RPS6KA2: variants seen among roughly 807,000 people sequenced by gnomAD.
The protein encoded by RPS6KA2 is ribosomal protein S6 kinase alpha-2.
In RPS6KA2, 42 loss-of-function variants were observed where a neutral mutation model predicts 91.8. The ratio of observed to expected loss-of-function variants is 0.46; its 90% CI spans 0.36 to 0.59. The LOEUF (loss-of-function observed/expected upper bound fraction) is 0.59. Ranked by LOEUF, RPS6KA2 falls within the 20% of genes least tolerant of loss-of-function variation. The pLI, the probability that RPS6KA2 is intolerant of heterozygous loss-of-function variation, is 0.00. For synonymous variants in RPS6KA2, 414 were observed against 393.6 expected (o/e 1.05, Z -0.61); for missense variants, 798 against 978.5 (o/e 0.82, Z 2.46).
At chr6:166,675,880 T>C (rs554748597) in intron 2 of RPS6KA2, among the ~76,000 whole-genome samples, 14 of 152,358 alleles carry the variant, frequency 9.2e-5, no homozygotes, top group Admixed American at 1.3e-4. Context: ...TAAAGGTCTC[T>C]GTTCCCTGAG....
In RPS6KA2 at chr6:166,493,351, TTGTC is replaced by T. The variant is rs750850225; in HGVS notation, c.748-2614_748-2611del. ...GAGAAGGGAGATCATTTCAGTATGATTGTCTGAATGGAGCTGCCCGGGAACTTTC... is the reference window on the plus strand; with the variant it reads ...GAGAAGGGAGATCATTTCAGTATGATTGAATGGAGCTGCCCGGGAACTTTC... On this transcript the variant is annotated intron_variant, in intron 8 of 20. Transcript: ENST00000265678. The surrounding 1 kb of genome is among the most constrained non-coding windows in gnomAD (Gnocchi z 4.7). 6.6e-6 allele frequency among the ~76,000 whole-genome samples: 1 copy of T among 152,050 alleles called. No individual in the cohort carries two copies. Among genetic ancestry groups the T allele is most frequent in the South Asian group, 2.1e-4 (1 of 4,828 alleles).
At chr6:166,646,577 G>T (rs935729826) in intron 2 of RPS6KA2, among the ~76,000 whole-genome samples, 2 of 152,252 alleles carry the variant, frequency 1.3e-5, no homozygotes, top group Non-Finnish European at 2.9e-5. Context: ...CTTGGCTGGG[G>T]CCCCTGACAC....
intron 2 of RPS6KA2, among the ~76,000 whole-genome samples, chr6:166,745,878 C>CA (rs1215257497): frequency 5.9e-5 from 9 of 152,248 alleles, no homozygotes; most frequent in African/African-American, 1.9e-4. Context: ...ACTGGTGACT[C>CA]AAAAAATAGA....
At chr6:166,578,753 C>T (rs553734068) in intron 1 of RPS6KA2, among the ~76,000 whole-genome samples, 1 of 152,330 alleles carries the variant, frequency 6.6e-6, no homozygotes, top group African/African-American at 2.4e-5. Context: ...CTGGAGCAGG[C>T]CTACTCAATC....
At chr6:166,823,913 C>T (rs1330729670) in intron 2 of RPS6KA2, among the ~76,000 whole-genome samples, 1 of 152,160 alleles carries the variant, frequency 6.6e-6, no homozygotes, top group African/African-American at 2.4e-5. Flanking sequence ...AGTATGCTCA[C>T]GTTCTGCTGT....
At chr6:166,691,417 T>C (rs1160213738) in intron 2 of RPS6KA2, among the ~76,000 whole-genome samples, 1 of 152,188 alleles carries the variant, frequency 6.6e-6, no homozygotes, top group Non-Finnish European at 1.5e-5. Context: ...ACTCTTCTCG[T>C]GTGTCACTCC....
In RPS6KA2 at chr6:166,626,798, C is replaced by CT; in HGVS notation, c.99+122dup. The CT allele has an allele frequency of 1.3e-6, 1 of 794,808 alleles. No individual in the cohort carries two copies. The highest frequency in any genetic ancestry group is 1.7e-6 in the Non-Finnish European group (1 of 582,242). The allele number at this position is 794,808 out of a possible 1,614,324, so 49.2% of individuals were successfully genotyped here. ...GGTTCGATTTTCGGAACCGGACCAG[C>CT]TTTCCAGTAACTTGAACTCCCTGAC... On this transcript the variant is annotated intron_variant, in intron 1 of 20. Transcript: ENST00000265678. This position sits in a 1 kb window ranked among gnomAD's most constrained non-coding sequence, Gnocchi z 4.1.
At chr6:166,695,089 A>G (rs1789318892) in intron 2 of RPS6KA2, among the ~76,000 whole-genome samples, 1 of 152,262 alleles carries the variant, frequency 6.6e-6, no homozygotes, top group Non-Finnish European at 1.5e-5. Flanking sequence ...CTAAGCAAAT[A>G]ACGACATAGA....
At chr6:166,761,206 G>T (rs1015906891) in intron 2 of RPS6KA2, among the ~76,000 whole-genome samples, 1 of 152,056 alleles carries the variant, frequency 6.6e-6, no homozygotes, top group Admixed American at 6.5e-5. Flanking sequence ...CACCGCACCC[G>T]GCTAAATTTT....
chr6:166,520,693 G>A (rs1043742375), intron 3 of RPS6KA2, among the ~76,000 whole-genome samples: 1 of 152,222 alleles, frequency 6.6e-6, no homozygotes, highest in Non-Finnish European at 1.5e-5. Context: ...GGCCTATCTT[G>A]CCATGAACAG....
chr6:166,621,322 G>A (rs1786624304), intron 1 of RPS6KA2, among the ~76,000 whole-genome samples: 3 of 152,276 alleles, frequency 2.0e-5, no homozygotes, highest in African/African-American at 2.4e-5. Context: ...AGGTGCCTCC[G>A]GCTTCCTTGT....
intron 12 of RPS6KA2, among the ~76,000 whole-genome samples, chr6:166,455,090 C>T (rs992321591): frequency 1.1e-4 from 16 of 152,042 alleles, no homozygotes; most frequent in African/African-American, 3.6e-4. Context: ...ATTCTCTACC[C>T]GCAGGCCTTT....
intron 2 of RPS6KA2, among the ~76,000 whole-genome samples, chr6:166,538,328 A>G (rs1285597441): frequency 6.6e-6 from 1 of 151,586 alleles, no homozygotes; most frequent in African/African-American, 2.4e-5. Flanking sequence ...TTCTTTGGGG[A>G]AAACAGCTGC....
intron 1 of RPS6KA2, among the ~76,000 whole-genome samples, chr6:166,561,497 C>T (rs955433939): frequency 6.6e-6 from 1 of 151,926 alleles, no homozygotes; most frequent in Non-Finnish European, 1.5e-5. Flanking sequence ...CTACTGCCAC[C>T]CCCTCCCCAT....
chr6:166,413,955 C>A, intron 19 of RPS6KA2, 24 bp from the exon 20 acceptor site: 1 of 1,607,898 alleles, frequency 6.2e-7, no homozygotes, highest in South Asian at 1.1e-5. Context: ...TCATGAGAGT[C>A]GGGGGGATGG....
intron 16 of RPS6KA2, among the ~76,000 whole-genome samples, chr6:166,425,402 A>C (rs1011268934): frequency 6.6e-6 from 1 of 152,162 alleles, no homozygotes; most frequent in African/African-American, 2.4e-5. Flanking sequence ...CTAATGAGCA[A>C]AATAACCAGC....
At chr6:166,453,498 T>C (rs966884785) in intron 12 of RPS6KA2, among the ~76,000 whole-genome samples, 5 of 152,054 alleles carry the variant, frequency 3.3e-5, no homozygotes, top group Admixed American at 6.5e-5. Context: ...ATCAGATAAA[T>C]ACAAATGAAA....
At chr6:166,509,345 G>A (rs1782382000) in intron 4 of RPS6KA2, 2 of 170,272 alleles carry the variant, frequency 1.2e-5, no homozygotes, top group Non-Finnish European at 2.9e-5. Flanking sequence ...ACGTGGGATG[G>A]GACTTGACAC....
intron 2 of RPS6KA2, among the ~76,000 whole-genome samples, chr6:166,774,547 G>A (rs953746883): frequency 5.9e-5 from 9 of 152,132 alleles, no homozygotes; most frequent in African/African-American, 1.9e-4. Flanking sequence ...AAGATGCTAC[G>A]GACCATGGTA....
Sources: allele counts gnomAD v4.1 joint callset (sites outside exome capture counted in the v4.1 genomes callset), GRCh38; gene constraint gnomAD v4.1.1; non-coding constraint Gnocchi (gnomAD v3.1); transcripts MANE v1.5; gene names NCBI Gene and HGNC (gene_info 2026-07-23, HGNC 2026-07-21).